MYO10: variants seen among roughly 807,000 people sequenced by gnomAD.
The protein encoded by MYO10 is myosin X, also known as unconventional myosin-X.
Under a neutral mutation model 257.3 loss-of-function variants are expected in MYO10, and 133 were observed. The observed-to-expected ratio is 0.52, with a 90% CI of 0.45 to 0.60. The LOEUF is 0.60. Ranked by LOEUF, MYO10 falls within the 20% of genes least tolerant of loss-of-function variation. The pLI is 0.00. For missense variants in MYO10, 2,399 were observed against 2,635.7 expected, an observed-to-expected ratio of 0.91 and a Z score of 1.97; for synonymous variants, 1,104 against 1,028.6, an observed-to-expected ratio of 1.07 and a Z score of -1.40.
At chr5:16,735,371 AACC>A (rs1353650692) in intron 19 of MYO10, among the ~76,000 whole-genome samples, 2 of 152,092 alleles carry the variant, frequency 1.3e-5, no homozygotes, top group East Asian at 3.9e-4. Flanking sequence ...TACACGAGAA[AACC>A]GTGGGACCAG....
intron 2 of MYO10, among the ~76,000 whole-genome samples, chr5:16,820,982 TTA>T (rs1369536752): frequency 2.7e-5 from 4 of 147,430 alleles, no homozygotes; most frequent in African/African-American, 9.8e-5. Flanking sequence ...CTTATATATA[TTA>T]TATAAGATCT....
chr5:16,811,833 G>A (rs1459287287), intron 3 of MYO10, among the ~76,000 whole-genome samples: 1 of 152,150 alleles, frequency 6.6e-6, no homozygotes, highest in African/African-American at 2.4e-5. Flanking sequence ...TTACAAGCAT[G>A]AGCCACCATG....
intron 1 of MYO10, among the ~76,000 whole-genome samples, chr5:16,922,998 T>A (rs1580155209): frequency 6.6e-6 from 1 of 151,812 alleles, no homozygotes; most frequent in Admixed American, 6.6e-5. Context: ...GCCACTGCAC[T>A]CCAGCTTCAG....
intron 3 of MYO10, among the ~76,000 whole-genome samples, chr5:16,813,043 A>C (rs540260358): frequency 6.6e-6 from 1 of 152,220 alleles, no homozygotes; most frequent in East Asian, 1.9e-4. Context: ...ACCAGTCCCC[A>C]AGGAGAAAAA....
chr5:16,748,483 G>A (rs1740278248), intron 19 of MYO10, among the ~76,000 whole-genome samples: 1 of 151,348 alleles, frequency 6.6e-6, no homozygotes. Flanking sequence ...GGCCTCAAGT[G>A]ATCCGCGCCC....
intron 1 of MYO10, among the ~76,000 whole-genome samples, chr5:16,904,642 T>C (rs1745471218): frequency 6.6e-6 from 1 of 152,128 alleles, no homozygotes; most frequent in Admixed American, 6.5e-5. Context: ...CAGCAGTGTG[T>C]TGTGAGGCTG....
chr5:16,700,876 C>T (rs1195134912), intron 25 of MYO10, 87 bp downstream of exon 25: 18 of 1,362,638 alleles, frequency 1.3e-5, no homozygotes, highest in African/African-American at 4.4e-5. Flanking sequence ...AGATATCCTA[C>T]GGGTATCTTC....
rs190640210 is a variant in MYO10, at chr5:16,805,202, C to T, written c.280-10369G>A. On this transcript the variant is annotated intron_variant, in intron 3 of 40. Coordinates refer to ENST00000513610, the MANE Select transcript of MYO10 (RefSeq NM_012334.3). ...TTCTGGCTGGGTGCAGTGGCTCACA[C>T]CTGTAATCCCAGCACTTTGGGAGGC... Among the ~76,000 whole-genome samples the T allele has an allele frequency of 1.4e-4, 21 of 152,194 alleles. No individual in the cohort carries two copies. In the East Asian group the frequency reaches 3.9e-3, roughly 28 times the overall value.
chr5:16,754,117 C>T lies in MYO10; in HGVS notation c.1929+711G>A, dbSNP rs976627661. Among the ~76,000 whole-genome samples, 4 of 151,974 alleles carry T rather than the reference C, an allele frequency of 2.6e-5. No homozygotes were observed. The East Asian group carries it at 7.7e-4, about 29-fold the overall frequency. On this transcript the variant is annotated intron_variant, in intron 19 of 40. Transcript: ENST00000513610. ...GGGTTTTCTCACATAAGAAGCATTC[C>T]TAAGAGGCTGTTTGCTGAATCAAAA...
intron 2 of MYO10, among the ~76,000 whole-genome samples, chr5:16,855,031 T>C (rs1372158585): frequency 1.3e-5 from 2 of 149,438 alleles, no homozygotes; most frequent in African/African-American, 5.0e-5. Context: ...AGACTCCATC[T>C]CAAAAAAAAA....
At chr5:16,673,427 CA>C (rs1306913057) in intron 36 of MYO10, among the ~76,000 whole-genome samples, 1 of 152,204 alleles carries the variant, frequency 6.6e-6, no homozygotes, top group African/African-American at 2.4e-5. Flanking sequence ...CTCTGCTAGA[CA>C]CTCAGCTGCT....
intron 1 of MYO10, among the ~76,000 whole-genome samples, chr5:16,921,175 C>T (rs1401485072): frequency 1.3e-5 from 2 of 149,720 alleles, no homozygotes; most frequent in African/African-American, 5.1e-5. Context: ...CAGAATAACA[C>T]CATCCAAGAT....
At chr5:16,733,761 G>A (rs866932135) in intron 19 of MYO10, among the ~76,000 whole-genome samples, 3 of 152,156 alleles carry the variant, frequency 2.0e-5, no homozygotes, top group East Asian at 1.9e-4. Context: ...GGAAACGGGA[G>A]GTCAGGCAGC....
intron 19 of MYO10, among the ~76,000 whole-genome samples, chr5:16,741,022 A>C (rs955906475): frequency 4.6e-5 from 7 of 152,236 alleles, no homozygotes; most frequent in Admixed American, 1.3e-4. Context: ...AACTCGATTT[A>C]ATATGAAAGA....
intron 2 of MYO10, among the ~76,000 whole-genome samples, chr5:16,833,816 G>C (rs1743226909): frequency 1.3e-5 from 2 of 152,172 alleles, no homozygotes. Flanking sequence ...AGTGCAAACA[G>C]AGTGAGATCA....
At chr5:16,887,653 G>A (rs1744931121) in intron 1 of MYO10, among the ~76,000 whole-genome samples, 1 of 152,124 alleles carries the variant, frequency 6.6e-6, no homozygotes, top group Admixed American at 6.6e-5. Context: ...ACCACACTGG[G>A]CTAATTTTTG....
In MYO10 at chr5:16,694,373, T is replaced by C. The variant is rs1375565788; in HGVS notation, c.3798A>G (p.Ala1266=). 6.2e-7 allele frequency: 1 copy of C among 1,614,024 alleles called. No homozygotes were observed. The highest frequency in any genetic ancestry group is 8.5e-7 in the Non-Finnish European group (1 of 1,179,880). Residue 1266 remains alanine, a splice_region_variant and synonymous_variant, in exon 27 of 41, where the codon GCA becomes GCG. Transcript: ENST00000513610. ...KLKGTVEVRT[A]KEIIDNTTKE... Reference sequence around the variant, plus strand: ...CACAGCCAGGCTTAGCAACCTACTTTGCCGTTCGCACTTCTACGGTGCCCT... The same window carrying C: ...CACAGCCAGGCTTAGCAACCTACTTCGCCGTTCGCACTTCTACGGTGCCCT...
intron 1 of MYO10, among the ~76,000 whole-genome samples, chr5:16,910,500 G>A (rs561461191): frequency 6.6e-6 from 1 of 152,272 alleles, no homozygotes; most frequent in South Asian, 2.1e-4. Flanking sequence ...GAAGGACCAC[G>A]TGAAAATGAT....
At chr5:16,696,533 C>T (rs1466222273) in intron 26 of MYO10, among the ~76,000 whole-genome samples, 1 of 152,142 alleles carries the variant, frequency 6.6e-6, no homozygotes, top group African/African-American at 2.4e-5. Context: ...TTTTTTCCTA[C>T]TCTTACTGGT....
Sources: allele counts gnomAD v4.1 joint callset (sites outside exome capture counted in the v4.1 genomes callset), GRCh38; gene constraint gnomAD v4.1.1; transcripts MANE v1.5; gene names NCBI Gene and HGNC (gene_info 2026-07-23, HGNC 2026-07-21).